NELL1: variants seen among roughly 807,000 people sequenced by gnomAD.
NELL1 encodes protein kinase C-binding protein NELL1.
NELL1 carries 76 observed loss-of-function variants against 107.4 expected under a neutral mutation model. The ratio of observed to expected loss-of-function variants is 0.71; its 90% confidence interval spans 0.59 to 0.86. The LOEUF is 0.86. Among genes scored for constraint, NELL1 ranks in the 40% least tolerant of loss-of-function variants. NELL1 has a pLI of 0.00. For synonymous variants in NELL1, 353 were observed against 341.2 expected, an observed-to-expected ratio of 1.03 and a Z score of -0.38; for missense variants, 1,024 against 1,005.5, an observed-to-expected ratio of 1.02 and a Z score of -0.25.
chr11:20,824,387 G>C (rs1221476424), intron 3 of NELL1, among the ~76,000 whole-genome samples: 1 of 151,184 alleles, frequency 6.6e-6, no homozygotes, highest in Non-Finnish European at 1.5e-5. Flanking sequence ...GTGGGTTGCT[G>C]CCATAAGGAT....
At chr11:21,528,371 C>A (rs1855907389) in intron 15 of NELL1, among the ~76,000 whole-genome samples, 1 of 152,024 alleles carries the variant, frequency 6.6e-6, no homozygotes, top group Non-Finnish European at 1.5e-5. Context: ...GGAGGCATAG[C>A]CCTCATGCAC....
intron 12 of NELL1, among the ~76,000 whole-genome samples, chr11:20,961,257 C>A (rs1180071545): frequency 3.3e-5 from 5 of 152,116 alleles, no homozygotes; most frequent in Admixed American, 2.0e-4. Context: ...ATATCTATTA[C>A]CTTAACATGC....
chr11:21,225,540 C>G (rs1857872268), intron 13 of NELL1, among the ~76,000 whole-genome samples: 1 of 152,192 alleles, frequency 6.6e-6, no homozygotes. Context: ...CATAACTTCT[C>G]TACTGAATCC....
At chr11:20,981,347 A>G (rs930055741) in intron 12 of NELL1, among the ~76,000 whole-genome samples, 6 of 152,178 alleles carry the variant, frequency 3.9e-5, no homozygotes, top group Non-Finnish European at 7.3e-5. Flanking sequence ...GTCTGTTGGT[A>G]TCTCAGGCCC....
intron 3 of NELL1, among the ~76,000 whole-genome samples, chr11:20,791,556 T>G (rs1857073803): frequency 6.6e-6 from 1 of 152,144 alleles, no homozygotes; most frequent in Non-Finnish European, 1.5e-5. Flanking sequence ...CTGCTGCCTG[T>G]TAGTTCATTT....
chr11:20,978,435 A>G (rs957805608), intron 12 of NELL1, among the ~76,000 whole-genome samples: 6 of 112,864 alleles, frequency 5.3e-5, no homozygotes, highest in African/African-American at 2.0e-4. Flanking sequence ...TGTCTTCATG[A>G]AAAAAAAAGC....
chr11:20,885,360 G>C (rs896923741), intron 4 of NELL1, 84 bp from the exon 5 acceptor site: 1 of 813,800 alleles, frequency 1.2e-6, no homozygotes, highest in African/African-American at 1.7e-5. Flanking sequence ...AGCAGCTAAT[G>C]GCATGCATAC....
chr11:21,054,376 A>G (rs1430415429), intron 12 of NELL1, among the ~76,000 whole-genome samples: 1 of 152,080 alleles, frequency 6.6e-6, no homozygotes, highest in East Asian at 1.9e-4. Context: ...CTAATGTTTA[A>G]TATTGTTTAA....
At chr11:20,729,323 G>T (rs142251742) in intron 2 of NELL1, among the ~76,000 whole-genome samples, 7 of 152,024 alleles carry the variant, frequency 4.6e-5, no homozygotes, top group African/African-American at 1.5e-4. Context: ...GATTGCTCTA[G>T]CTAGCACTTC....
chr11:20,794,708 A>C (rs1857137850), intron 3 of NELL1, among the ~76,000 whole-genome samples: 1 of 152,194 alleles, frequency 6.6e-6, no homozygotes, highest in Admixed American at 6.5e-5. Context: ...TGACGATGTT[A>C]TCTAGATGGA....
At chr11:21,108,598 C>T (rs1855026215) in intron 12 of NELL1, among the ~76,000 whole-genome samples, 1 of 152,056 alleles carries the variant, frequency 6.6e-6, no homozygotes, top group South Asian at 2.1e-4. Flanking sequence ...GTTTCTCTAA[C>T]AATAGTTAAT....
At chr11:21,389,775 A>G (rs10833522) in intron 15 of NELL1, among the ~76,000 whole-genome samples, 43,964 of 151,650 alleles carry the variant, frequency 0.29, 6,829 homozygotes, top group Non-Finnish European at 0.34. Flanking sequence ...TCACTGTGGA[A>G]TAGTATTTTA....
chr11:20,995,633 A>C (rs1312410299), intron 12 of NELL1, among the ~76,000 whole-genome samples: 1 of 152,118 alleles, frequency 6.6e-6, no homozygotes, highest in East Asian at 1.9e-4. Context: ...AGAAGAGAAG[A>C]GTGGCTCCAG....
At chr11:21,570,473 T>C (rs1857073872) in intron 17 of NELL1, among the ~76,000 whole-genome samples, 1 of 151,964 alleles carries the variant, frequency 6.6e-6, no homozygotes, top group South Asian at 2.1e-4. Context: ...TGCTTACTTA[T>C]AATTCTTACT....
chr11:21,052,554 A>G (rs775838666), intron 12 of NELL1, among the ~76,000 whole-genome samples: 1 of 152,146 alleles, frequency 6.6e-6, no homozygotes, highest in South Asian at 2.1e-4. Context: ...GTAATCTTCT[A>G]TATGCCAGCT....
intron 5 of NELL1, among the ~76,000 whole-genome samples, chr11:20,911,279 T>A (rs751792357): frequency 7.9e-5 from 12 of 152,216 alleles, no homozygotes; most frequent in Non-Finnish European, 1.5e-4. Flanking sequence ...ATTGAATACT[T>A]CCTATGTTAC....
chr11:20,772,271 C>T (rs1856655288), intron 2 of NELL1, among the ~76,000 whole-genome samples: 1 of 152,112 alleles, frequency 6.6e-6, no homozygotes, highest in South Asian at 2.1e-4. Context: ...GGAGGCATAG[C>T]ATTGGAGTAG....
At chr11:20,901,392 T>C (rs931788917) in intron 5 of NELL1, among the ~76,000 whole-genome samples, 4 of 152,070 alleles carry the variant, frequency 2.6e-5, no homozygotes, top group African/African-American at 9.7e-5. Flanking sequence ...ATAAAATATA[T>C]ACATGACACC....
At chr11:21,254,604 C>T (rs1222741228) in intron 14 of NELL1, among the ~76,000 whole-genome samples, 5 of 152,044 alleles carry the variant, frequency 3.3e-5, no homozygotes, top group African/African-American at 9.7e-5. Context: ...CCTGGAAATT[C>T]GTGTTTGTCT....
Sources: allele counts gnomAD v4.1 joint callset (sites outside exome capture counted in the v4.1 genomes callset), GRCh38; gene constraint gnomAD v4.1.1; transcripts MANE v1.5; gene names NCBI Gene and HGNC (gene_info 2026-07-23, HGNC 2026-07-21).